Variants in QRFPR observed in about 807,000 individuals in gnomAD.
QRFPR encodes the protein pyroglutamylated RF-amide peptide receptor.
In QRFPR, 37 loss-of-function variants were observed where a neutral mutation model predicts 31.3. The observed-to-expected ratio is 1.18, with a 90% CI of 0.91 to 1.56. The LOEUF (loss-of-function observed/expected upper bound fraction) is 1.56. QRFPR is among the 40% of genes most tolerant of loss of function. The pLI is 0.00. For synonymous variants in QRFPR, 197 were observed against 192.0 expected, an observed-to-expected ratio of 1.03 and a Z score of -0.22; for missense variants, 542 against 532.5, an observed-to-expected ratio of 1.02 and a Z score of -0.18.
At chr4:121,354,599 A>G (rs1725830994) in intron 1 of QRFPR, among the ~76,000 whole-genome samples, 1 of 151,964 alleles carries the variant, frequency 6.6e-6, no homozygotes, top group Non-Finnish European at 1.5e-5. Flanking sequence ...GTTGAAAAAA[A>G]GAGGTGAAAA....
chr4:121,367,243 GC>G (rs1303228892), intron 1 of QRFPR, among the ~76,000 whole-genome samples: 1 of 149,870 alleles, frequency 6.7e-6, no homozygotes, highest in Non-Finnish European at 1.5e-5. Context: ...GCAACATTGT[GC>G]CCACAGTCTG....
At chr4:121,371,886 G>T (rs1214813472) in intron 1 of QRFPR, among the ~76,000 whole-genome samples, 2 of 152,182 alleles carry the variant, frequency 1.3e-5, no homozygotes, top group African/African-American at 2.4e-5. Context: ...GAGACAATGA[G>T]CATCAATGGA....
At chr4:121,345,422 T>C (rs374089521) in intron 1 of QRFPR, among the ~76,000 whole-genome samples, 13 of 152,252 alleles carry the variant, frequency 8.5e-5, no homozygotes, top group African/African-American at 2.7e-4. Context: ...AGCTGTCAAC[T>C]GTTGCTTGCA....
At chr4:121,357,273 A>G (rs1239701125) in intron 1 of QRFPR, among the ~76,000 whole-genome samples, 1 of 152,112 alleles carries the variant, frequency 6.6e-6, no homozygotes, top group Non-Finnish European at 1.5e-5. Context: ...TGCCCATATG[A>G]TAATGATAGC....
intron 1 of QRFPR, among the ~76,000 whole-genome samples, chr4:121,368,962 G>C (rs1726178575): frequency 6.6e-6 from 1 of 151,650 alleles, no homozygotes; most frequent in Non-Finnish European, 1.5e-5. Flanking sequence ...GGCAAGCTTT[G>C]TATCAATATT....
rs567478770 is a variant in QRFPR, at chr4:121,360,521, G to A, written c.340+19787C>T. On this transcript the variant is annotated intron_variant, in intron 1 of 5. Transcript: ENST00000394427. ...AACTGTGCTTGCCTGGTTCCCCTGG[G>A]TAGCCTGACTCCCCTGATAGTAGTG... 2.0e-5 allele frequency among the ~76,000 whole-genome samples: 3 copies of A among 152,098 alleles called. No individual in the cohort carries two copies. The South Asian group carries it at 6.2e-4, about 32-fold the overall frequency.
intron 3 of QRFPR, among the ~76,000 whole-genome samples, chr4:121,335,081 T>A (rs895214493): frequency 6.6e-6 from 1 of 152,164 alleles, no homozygotes. Context: ...AGGAAGCAAC[T>A]TTGACTAGAC....
chr4:121,335,885 TA>T (rs546042046), intron 3 of QRFPR, among the ~76,000 whole-genome samples: 20 of 152,218 alleles, frequency 1.3e-4, no homozygotes, highest in African/African-American at 4.6e-4. Flanking sequence ...CCAAGAGGAC[TA>T]AAAAAGTCCT....
intron 1 of QRFPR, among the ~76,000 whole-genome samples, chr4:121,353,085 C>T (rs938090567): frequency 3.3e-5 from 5 of 151,962 alleles, no homozygotes; most frequent in African/African-American, 4.8e-5. Context: ...CCATTGTGTG[C>T]ATGTACCACA....
intron 1 of QRFPR, among the ~76,000 whole-genome samples, chr4:121,366,146 A>G (rs2110482157): frequency 6.7e-6 from 1 of 149,910 alleles, no homozygotes; most frequent in African/African-American, 2.5e-5. Context: ...GCAGAAAGTG[A>G]AATTCTTCCC....
intron 1 of QRFPR, among the ~76,000 whole-genome samples, chr4:121,366,504 C>T (rs1210768383): frequency 1.3e-5 from 2 of 148,888 alleles, no homozygotes; most frequent in African/African-American, 5.0e-5. Flanking sequence ...TATGGTGCCT[C>T]CACACAAAGA....
At chr4:121,346,717 A>G (rs1725657597) in intron 1 of QRFPR, among the ~76,000 whole-genome samples, 1 of 152,234 alleles carries the variant, frequency 6.6e-6, no homozygotes, top group Non-Finnish European at 1.5e-5. Flanking sequence ...CTGTATTACT[A>G]ACTTGCTGAG....
At chr4:121,331,175 G>GTTTTTT (rs397995185) in intron 4 of QRFPR, among the ~76,000 whole-genome samples, 1 of 69,038 alleles carries the variant, frequency 1.4e-5, no homozygotes, top group African/African-American at 6.5e-5. Flanking sequence ...TATATCTTGG[G>GTTTTTT]TTTTTTTTTT....
chr4:121,342,348 T>A (rs908277684), intron 1 of QRFPR, among the ~76,000 whole-genome samples: 1 of 152,194 alleles, frequency 6.6e-6, no homozygotes, highest in African/African-American at 2.4e-5. Flanking sequence ...TAGTGGATCA[T>A]GGAACTTCCC....
chr4:121,341,479 T>G (rs571561351), intron 1 of QRFPR, among the ~76,000 whole-genome samples: 1 of 152,172 alleles, frequency 6.6e-6, no homozygotes, highest in Admixed American at 6.5e-5. Context: ...AAGCTCTGCT[T>G]AAATACAGGT....
intron 1 of QRFPR, among the ~76,000 whole-genome samples, chr4:121,348,250 G>C (rs4482791): frequency 0.82 from 125,025 of 152,148 alleles, 52,412 homozygotes; most frequent in East Asian, 0.99. Flanking sequence ...TCATAGGACT[G>C]TTGAAGGATT....
At chr4:121,360,962 G>A (rs1725978395) in intron 1 of QRFPR, among the ~76,000 whole-genome samples, 1 of 152,148 alleles carries the variant, frequency 6.6e-6, no homozygotes, top group Non-Finnish European at 1.5e-5. Flanking sequence ...GTTCAACATA[G>A]TGCCTAGCAT....
At chr4:121,335,352 C>T (rs1395160778) in intron 3 of QRFPR, among the ~76,000 whole-genome samples, 3 of 151,906 alleles carry the variant, frequency 2.0e-5, no homozygotes, top group South Asian at 2.1e-4. Context: ...CTGGGCTTCC[C>T]ATTGGAGATA....
intron 1 of QRFPR, among the ~76,000 whole-genome samples, chr4:121,358,513 T>C (rs1725913052): frequency 6.6e-6 from 1 of 152,166 alleles, no homozygotes; most frequent in Non-Finnish European, 1.5e-5. Flanking sequence ...TCCATACATA[T>C]TTTATTTATT....
Sources: gnomAD v4.1 joint callset for allele counts (sites outside exome capture counted in the v4.1 genomes callset) on GRCh38, gnomAD v4.1.1 for gene constraint, MANE v1.5 for transcripts, NCBI Gene and HGNC (gene_info 2026-07-23, HGNC 2026-07-21) for gene names.